The following SAMD4B variants were observed in gnomAD, a reference collection of about 807,000 sequenced individuals.
SAMD4B encodes protein Smaug homolog 2.
A neutral mutation model predicts 74.5 loss-of-function variants in SAMD4B; 5 were observed. That is an observed-to-expected ratio of 0.07 (90% CI 0.04 to 0.14). SAMD4B has a LOEUF of 0.14. Ranked by LOEUF, SAMD4B falls within the 10% of genes least tolerant of loss-of-function variation. SAMD4B has a pLI of 1.00. For synonymous variants in SAMD4B, 373 were observed against 374.9 expected (o/e 1.00, Z 0.06); for missense variants, 608 against 921.8 (o/e 0.66, Z 4.41).
At chr19:39,358,283 CAAA>C (rs1180856042) in intron 3 of SAMD4B, among the ~76,000 whole-genome samples, 2 of 152,040 alleles carry the variant, frequency 1.3e-5, no homozygotes, top group Non-Finnish European at 2.9e-5. Flanking sequence ...AACAAACAAA[CAAA>C]AAAAGCAGTG....
chr19:39,372,218 G>A (rs574752069), intron 4 of SAMD4B, among the ~76,000 whole-genome samples: 13 of 152,318 alleles, frequency 8.5e-5, no homozygotes, highest in African/African-American at 2.6e-4. Context: ...ACAGTATACA[G>A]ACAGATCTGG....
At chr19:39,386,679 A>T, downstream of SAMD4B, 2 of 1,606,294 alleles carry the variant, frequency 1.2e-6, no homozygotes, top group Non-Finnish European at 1.7e-6. This position sits in a 1 kb window ranked among gnomAD's most constrained non-coding sequence, Gnocchi z 6.1. Context: ...GCCCTGAGCC[A>T]GTGGTGCTTG....
At position 39,380,116 on chromosome 19, in the gene SAMD4B, C is replaced by G. The variant is rs781040251; in HGVS notation, c.1649+32C>G. 5 of 1,510,526 alleles carry G rather than the reference C, an allele frequency of 3.3e-6. No homozygotes were observed. The East Asian group carries it at 1.1e-4, about 34-fold the overall frequency. The allele number at this position is 1,510,526 out of a possible 1,614,324, so 93.6% of individuals were successfully genotyped here. ...GGGTGGCCAGGTTACAGGGACCTGC[C>G]CTCCATAGGCCTTTGCTGGTTAGCA... is the stretch of plus-strand genomic sequence containing the variant. On this transcript the variant is annotated intron_variant, in intron 10 of 13. Transcript: ENST00000610417.
At chr19:39,382,795 G>C (rs1395744222) in intron 12 of SAMD4B, among the ~76,000 whole-genome samples, 5 of 152,186 alleles carry the variant, frequency 3.3e-5, no homozygotes, top group Non-Finnish European at 5.9e-5. Flanking sequence ...GTGGGGACAG[G>C]AAGGGTTTTG....
chr19:39,390,692 C>A, downstream of SAMD4B: 4 of 1,018,110 alleles, frequency 3.9e-6, no homozygotes, highest in South Asian at 2.9e-5. Context: ...CAGAAGGAAC[C>A]CGCCCCCTTC....
chr19:39,376,372 C>T, intron 5 of SAMD4B, 65 bp from the exon 6 acceptor site: 1 of 1,393,468 alleles, frequency 7.2e-7, no homozygotes, highest in South Asian at 1.2e-5. Context: ...ATCCCCACAA[C>T]TTTTCCTTTA....
At position 39,378,612 on chromosome 19, in the gene SAMD4B, C is replaced by A. The variant is rs1971462426; in HGVS notation, c.1530+23C>A. On this transcript the variant is annotated intron_variant, in intron 9 of 13. Transcript: ENST00000610417. The surrounding 1 kb of genome is among the most constrained non-coding windows in gnomAD (Gnocchi z 4.4). Reference sequence around the variant, plus strand: ...GAGGTAAGGCCTTCCCTAGCATACTCAAAAAGGGAAAGGCGGCCAGGCGTG... The same window carrying A: ...GAGGTAAGGCCTTCCCTAGCATACTAAAAAAGGGAAAGGCGGCCAGGCGTG... The A allele has an allele frequency of 1.9e-6, 3 of 1,607,368 alleles. No individual in the cohort carries two copies. The East Asian group carries it at 6.7e-5, about 36-fold the overall frequency.
Position 39,354,044 on chromosome 19 carries a change from A to G in SAMD4B, c.-228A>G, listed in dbSNP as rs1211302662. The G allele has an allele frequency of 6.6e-6, 1 of 152,180 alleles. No homozygotes were observed. The highest frequency in any genetic ancestry group is 1.5e-5 in the Non-Finnish European group (1 of 68,044). The allele number at this position is 152,180 out of a possible 1,614,324, so 9.4% of individuals were successfully genotyped here. A position where few individuals can be genotyped will look rare whatever the true frequency, so the allele number is the denominator to read the frequency against. ...GCAGTGCTCCAGGCAGCCACTACCA[A>G]TCGATTGGAGTTAGCCTGTGAGGTA... On this transcript the variant is annotated 5_prime_UTR_variant, in exon 2 of 14. Transcript: ENST00000610417.
intron 1 of SAMD4B, among the ~76,000 whole-genome samples, chr19:39,343,073 CCT>C (rs1241450763): frequency 6.6e-6 from 1 of 151,844 alleles, no homozygotes; most frequent in East Asian, 1.9e-4. Context: ...GGAGGCCACT[CCT>C]CGTCCATTCC....
chr19:39,386,503 C>G (rs369932597), downstream of SAMD4B: 6 of 1,614,070 alleles, frequency 3.7e-6, no homozygotes, highest in African/African-American at 5.3e-5. This position sits in a 1 kb window ranked among gnomAD's most constrained non-coding sequence, Gnocchi z 6.1. Flanking sequence ...GCTTCTTTCT[C>G]TTCTGTCTCC....
intron 3 of SAMD4B, among the ~76,000 whole-genome samples, chr19:39,368,318 C>G (rs1204468271): frequency 6.6e-6 from 1 of 152,094 alleles, no homozygotes; most frequent in Non-Finnish European, 1.5e-5. Flanking sequence ...CATGGAACAG[C>G]CAGGGAATGC....
intron 3 of SAMD4B, among the ~76,000 whole-genome samples, chr19:39,365,395 A>G (rs547262751): frequency 7.9e-5 from 12 of 152,026 alleles, no homozygotes; most frequent in Non-Finnish European, 1.8e-4. Flanking sequence ...CTCTACTCAA[A>G]ATATAAAAAT....
chr19:39,352,946 T>C (rs1254953923), intron 1 of SAMD4B, among the ~76,000 whole-genome samples: 4 of 152,190 alleles, frequency 2.6e-5, no homozygotes, highest in African/African-American at 9.7e-5. Flanking sequence ...TTCTATCTTA[T>C]GAGTTGCCAC....
chr19:39,350,592 A>G (rs1257621146), intron 1 of SAMD4B: 2 of 152,170 alleles, frequency 1.3e-5, no homozygotes, highest in Non-Finnish European at 2.9e-5. Context: ...GGTTGAAGCG[A>G]TTCTGCTGCC....
chr19:39,355,182 TTTTA>T, intron 2 of SAMD4B, among the ~76,000 whole-genome samples: 1 of 152,300 alleles, frequency 6.6e-6, no homozygotes, highest in South Asian at 2.1e-4. Context: ...CTTATTTAGA[TTTTA>T]TTTAAGTGCA....
In SAMD4B at chr19:39,385,514, C is replaced by T. The variant is rs2078224725; in HGVS notation, c.*1987C>T. ...CCTGACCCTCTCCCGCTCCAGCCCC[C>T]TCCCCAGGCCCTCCTCCATGATTTC... On this transcript the variant is annotated 3_prime_UTR_variant, in exon 14 of 14. Coordinates refer to ENST00000610417, the MANE Select transcript of SAMD4B (RefSeq NM_001384574.2). 1 of 468,426 alleles carries T rather than the reference C, an allele frequency of 2.1e-6. No individual in the cohort carries two copies. Among genetic ancestry groups the T allele is most frequent in the East Asian group, 3.2e-5 (1 of 31,484 alleles). 29.0% of individuals were successfully genotyped at this position (468,426 alleles called of 1,614,324 possible).
intron 2 of SAMD4B, among the ~76,000 whole-genome samples, chr19:39,355,770 T>C (rs975725366): frequency 6.6e-6 from 1 of 152,142 alleles, no homozygotes; most frequent in African/African-American, 2.4e-5. Context: ...TTTGGACACT[T>C]TGTAGCTTGT....
At chr19:39,387,725 C>G (rs1035372036), downstream of SAMD4B, among the ~76,000 whole-genome samples, 3 of 152,224 alleles carry the variant, frequency 2.0e-5, no homozygotes, top group Non-Finnish European at 4.4e-5. Context: ...TTAAAACATT[C>G]ATGCTAATTT....
At chr19:39,387,864 G>A (rs540087436), downstream of SAMD4B, among the ~76,000 whole-genome samples, 11 of 152,336 alleles carry the variant, frequency 7.2e-5, no homozygotes, top group African/African-American at 2.4e-4. Context: ...CTGGCTGGGC[G>A]TGGTGGCTCA....
Sources: allele counts gnomAD v4.1 joint callset (sites outside exome capture counted in the v4.1 genomes callset), GRCh38; gene constraint gnomAD v4.1.1; non-coding constraint Gnocchi (gnomAD v3.1); transcripts MANE v1.5; gene names NCBI Gene and HGNC (gene_info 2026-07-23, HGNC 2026-07-21).